Variants in SLC9A1 observed in about 807,000 individuals in gnomAD.
The protein encoded by SLC9A1 is sodium/hydrogen exchanger 1.
Under a neutral mutation model 67.9 loss-of-function variants are expected in SLC9A1, and 22 were observed. The ratio of observed to expected loss-of-function variants is 0.32; its 90% CI spans 0.23 to 0.46. The LOEUF (loss-of-function observed/expected upper bound fraction) is 0.46. Ranked by LOEUF, SLC9A1 falls within the 20% of genes least tolerant of loss-of-function variation. SLC9A1 has a pLI of 1.00. For missense variants in SLC9A1, 686 were observed against 1,094.8 expected (o/e 0.63, Z 5.27); for synonymous variants, 421 against 471.8 (o/e 0.89, Z 1.40).
intron 1 of SLC9A1, among the ~76,000 whole-genome samples, chr1:27,127,413 CAACAG>C (rs955583098): frequency 2.6e-5 from 4 of 152,194 alleles, no homozygotes; most frequent in African/African-American, 9.7e-5. Flanking sequence ...TGGCAGTGGG[CAACAG>C]ATGAGAGAAC....
chr1:27,124,361 T>C (rs957458750), intron 1 of SLC9A1, among the ~76,000 whole-genome samples: 1 of 152,214 alleles, frequency 6.6e-6, no homozygotes, highest in Admixed American at 6.5e-5. Flanking sequence ...GTTCTTAGTA[T>C]TGCTTCCAGT....
In SLC9A1 at chr1:27,105,933, C is replaced by T. The variant is rs752525768; in HGVS notation, c.1437G>A (p.Leu479=). The change falls in exon 5 of 12, where the codon CTG becomes CTA. Residue 479 remains leucine, a synonymous_variant. Coordinates refer to ENST00000263980, the MANE Select transcript of SLC9A1 (RefSeq NM_003047.5). ...TGACAGTGATGATGGCAGTGAGGAACAGGTCACACATGGGGAAGTGCTTCT... is the reference window on the plus strand; with the variant it reads ...TGACAGTGATGATGGCAGTGAGGAATAGGTCACACATGGGGAAGTGCTTCT... The part of the protein sequence containing the change: ...LDKKHFPMCD[L]FLTAIITVIF... 3.4e-5 allele frequency: 55 copies of T among 1,613,568 alleles called. No individual in the cohort carries two copies. Among genetic ancestry groups the T allele is most frequent in the Non-Finnish European group, 4.5e-5 (53 of 1,180,024 alleles).
intron 2 of SLC9A1, among the ~76,000 whole-genome samples, chr1:27,110,924 C>T (rs557660851): frequency 1.3e-5 from 2 of 152,298 alleles, no homozygotes; most frequent in African/African-American, 4.8e-5. Flanking sequence ...CCTCCAAAGC[C>T]CCCAGGACCT....
chr1:27,116,014 T>C (rs1342906625), intron 1 of SLC9A1, among the ~76,000 whole-genome samples: 2 of 152,128 alleles, frequency 1.3e-5, no homozygotes, highest in Non-Finnish European at 2.9e-5. Context: ...CCCAAAGCCC[T>C]TCCTACTCTC....
chr1:27,154,316 T>G lies in SLC9A1; in HGVS notation c.19A>C (p.Ile7Leu), dbSNP rs763539462. MVLRSG[I>L]CGLSPHRIFP... is the part of the protein sequence containing the mutation. ...ATCCGATGTGGAGAGAGGCCACAGA[T>G]GCCAGACCGCAGAACCATGGTGCTG... The change falls in exon 1 of 12, where the codon ATC becomes CTC. Residue 7 changes from isoleucine to leucine, a missense_variant. Ile to Leu is a conservative substitution (Grantham distance 5). Coordinates refer to ENST00000263980, the MANE Select transcript of SLC9A1 (RefSeq NM_003047.5). The G allele has an allele frequency of 6.3e-7, 1 of 1,597,082 alleles. No homozygotes were observed. The highest frequency in any genetic ancestry group is 2.2e-5 in the East Asian group (1 of 44,586).
intron 1 of SLC9A1, among the ~76,000 whole-genome samples, chr1:27,151,010 G>T (rs556601074): frequency 6.6e-6 from 1 of 152,138 alleles, no homozygotes. Context: ...GAGTGCAGAG[G>T]GAGCATGGCC....
chr1:27,108,719 CT>C (rs2083207174), intron 3 of SLC9A1, among the ~76,000 whole-genome samples: 1 of 152,126 alleles, frequency 6.6e-6, no homozygotes, highest in African/African-American at 2.4e-5. Flanking sequence ...CACCTCTCCC[CT>C]GTCACGCTGC....
rs764101266 is a variant in SLC9A1 at position 27,107,630 on chromosome 1, C to T, written c.1282+18G>A. ...CCCCACACCACAACCCCCACCCCGC[C>T]CCAGCCCTGGCCCTCACCCAGCACG... On this transcript the variant is annotated intron_variant, in intron 4 of 11. Transcript: ENST00000263980. 3 of 1,542,886 alleles carry T rather than the reference C, an allele frequency of 1.9e-6. No individual in the cohort carries two copies. In the South Asian group the frequency reaches 3.6e-5, roughly 18 times the overall value.
intron 1 of SLC9A1, among the ~76,000 whole-genome samples, chr1:27,139,573 G>A (rs148197683): frequency 3.3e-5 from 5 of 151,352 alleles, no homozygotes; most frequent in Admixed American, 6.5e-5. Context: ...ATACCAGGGC[G>A]ACAGCCATCA....
chr1:27,135,735 C>T (rs2083416602), intron 1 of SLC9A1, among the ~76,000 whole-genome samples: 1 of 152,096 alleles, frequency 6.6e-6, no homozygotes, highest in African/African-American at 2.4e-5. Context: ...GAGAGTGAGC[C>T]AACTGTGGTG....
intron 1 of SLC9A1, among the ~76,000 whole-genome samples, chr1:27,120,508 C>T (rs545026822): frequency 4.0e-5 from 6 of 151,350 alleles, no homozygotes; most frequent in East Asian, 2.0e-4. Flanking sequence ...GAGGCCGAGG[C>T]GGGTGGATCA....
Position 27,146,993 on chromosome 1 carries a change from C to A in SLC9A1, c.352+6990G>T, listed in dbSNP as rs191974713. ...TCTACTAAAAATACAAAAATTAGGCCGGGCGCGGTGGCTCATGCCTGTAAT... is the reference window on the plus strand; with the variant it reads ...TCTACTAAAAATACAAAAATTAGGCAGGGCGCGGTGGCTCATGCCTGTAAT... On this transcript the variant is annotated intron_variant, in intron 1 of 11. Transcript: ENST00000263980. Among the ~76,000 whole-genome samples, 238 of 151,302 alleles carry A rather than the reference C, an allele frequency of 1.6e-3. 1 individual carries two copies. Among genetic ancestry groups the A allele is most frequent in the African/African-American group, 5.4e-3 (221 of 41,214 alleles).
chr1:27,150,398 G>A (rs1291117159), intron 1 of SLC9A1, among the ~76,000 whole-genome samples: 1 of 152,226 alleles, frequency 6.6e-6, no homozygotes, highest in African/African-American at 2.4e-5. Context: ...TCTGGGTCAG[G>A]AACATGGGTA....
rs954974589 is a variant in SLC9A1 at position 27,114,975 on chromosome 1, C to G, written c.353-689G>C. Among the ~76,000 whole-genome samples the G allele has an allele frequency of 2.0e-5, 3 of 152,302 alleles. No individual in the cohort carries two copies. The highest frequency in any genetic ancestry group is 1.3e-4 in the Admixed American group (2 of 15,302). On this transcript the variant is annotated intron_variant, in intron 1 of 11. Coordinates refer to ENST00000263980, the MANE Select transcript of SLC9A1 (RefSeq NM_003047.5). The surrounding 1 kb of genome is among the most constrained non-coding windows in gnomAD (Gnocchi z 5.4). Reference sequence around the variant, plus strand: ...ACGGCTCAAGGATGTCAGTGGCAACCAGCTTTGGCAGGTGAGATAAAATCT... The same window carrying G: ...ACGGCTCAAGGATGTCAGTGGCAACGAGCTTTGGCAGGTGAGATAAAATCT...
rs1027963968 is a variant in SLC9A1 at position 27,118,245 on chromosome 1, A to AGGGCC, written c.353-3964_353-3960dup. On this transcript the variant is annotated intron_variant, in intron 1 of 11. Transcript: ENST00000263980. This position sits in a 1 kb window ranked among gnomAD's most constrained non-coding sequence, Gnocchi z 4.3. ...TGATGGGCTCTCTGGGCCTGAGGGG[A>AGGGCC]GGGCCGGGCCGGGCCAGGCTGAGGA... Among the ~76,000 whole-genome samples the AGGGCC allele has an allele frequency of 5.1e-4, 77 of 152,100 alleles. No homozygotes were observed. The highest frequency in any genetic ancestry group is 1.7e-3 in the African/African-American group (70 of 41,490).
At chr1:27,135,390 G>C (rs1162233161) in intron 1 of SLC9A1, among the ~76,000 whole-genome samples, 2 of 152,088 alleles carry the variant, frequency 1.3e-5, no homozygotes, top group Non-Finnish European at 1.5e-5. Flanking sequence ...CACCACTGTA[G>C]AGAAAAGCCC....
intron 1 of SLC9A1, among the ~76,000 whole-genome samples, chr1:27,123,589 C>T (rs548160038): frequency 5.9e-5 from 9 of 152,014 alleles, no homozygotes; most frequent in African/African-American, 2.2e-4. Context: ...TGGCTCACTG[C>T]AACCTCCGCC....
chr1:27,115,619 C>A (rs114338554), intron 1 of SLC9A1, among the ~76,000 whole-genome samples: 54 of 151,928 alleles, frequency 3.6e-4, no homozygotes, highest in African/African-American at 1.2e-3. Context: ...TTGACACCAG[C>A]TTGTACAACA....
Position 27,114,345 on chromosome 1 carries a change from G to A in SLC9A1, c.353-59C>T. 2.1e-6 allele frequency: 3 copies of A among 1,421,286 alleles called. No homozygotes were observed. Among genetic ancestry groups the A allele is most frequent in the Non-Finnish European group, 2.9e-6 (3 of 1,029,020 alleles). The allele number at this position is 1,421,286 out of a possible 1,614,324, so 88.0% of individuals were successfully genotyped here. A position where few individuals can be genotyped will look rare whatever the true frequency, so the allele number is the denominator to read the frequency against. On this transcript the variant is annotated intron_variant, in intron 1 of 11. Coordinates refer to ENST00000263980, the MANE Select transcript of SLC9A1 (RefSeq NM_003047.5). This position sits in a 1 kb window ranked among gnomAD's most constrained non-coding sequence, Gnocchi z 5.4. ...TTTCGGAGGAGCCAGGAGAATAGAA[G>A]GTTGGGGATGGGCCGGGGATGAGGA...
Sources: allele counts gnomAD v4.1 joint callset (sites outside exome capture counted in the v4.1 genomes callset), GRCh38; gene constraint gnomAD v4.1.1; non-coding constraint Gnocchi (gnomAD v3.1); transcripts MANE v1.5; gene names NCBI Gene and HGNC (gene_info 2026-07-23, HGNC 2026-07-21).